RBM26: variants seen among roughly 807,000 people sequenced by gnomAD.
RBM26 encodes RNA binding motif protein 26, also known as RNA-binding protein 26.
A neutral mutation model predicts 123.6 loss-of-function variants in RBM26; 30 were observed. The ratio of observed to expected loss-of-function variants is 0.24; its 90% CI spans 0.18 to 0.33. The LOEUF (loss-of-function observed/expected upper bound fraction) is 0.33, where lower values mean the gene tolerates loss of function less well. Among genes scored for constraint, RBM26 ranks in the 10% least tolerant of loss-of-function variants. RBM26 has a pLI of 1.00. For synonymous variants in RBM26, 400 were observed against 404.4 expected, an observed-to-expected ratio of 0.99 and a Z score of 0.13; for missense variants, 947 against 1,203.6, an observed-to-expected ratio of 0.79 and a Z score of 3.15.
chr13:79,331,161 C>T (rs1461325509), intron 20 of RBM26, among the ~76,000 whole-genome samples: 3 of 152,098 alleles, frequency 2.0e-5, no homozygotes, highest in African/African-American at 7.2e-5. Context: ...CAGGTGCACG[C>T]CACCACACCT....
intron 17 of RBM26, 43 bp from the exon 18 acceptor site, chr13:79,341,270 T>C (rs747076797): frequency 5.6e-6 from 7 of 1,256,144 alleles, no homozygotes; most frequent in Non-Finnish European, 8.0e-6. Flanking sequence ...GTAATTACTA[T>C]CCTGTATTGA....
Position 79,368,923 on chromosome 13 carries a change from T to C in RBM26, c.702A>G (p.Pro234=), listed in dbSNP as rs2075600812. ...RTDPLENNYT[P]VSSVPSISSG... ...ATGAAATACTAGGTACCGAAGAGAC[T>C]GGAGTATAATTATTTTCTAATGGAT... The change falls in exon 6 of 22, where the codon CCA becomes CCG. Residue 234 remains proline (P), a synonymous_variant. Coordinates refer to ENST00000438737, the MANE Select transcript of RBM26 (RefSeq NM_001366735.2). 6.2e-7 allele frequency: 1 copy of C among 1,610,596 alleles called. No individual in the cohort carries two copies. Among genetic ancestry groups the C allele is most frequent in the African/African-American group, 1.3e-5 (1 of 74,940 alleles).
intron 14 of RBM26, among the ~76,000 whole-genome samples, chr13:79,350,081 C>T (rs1311656627): frequency 6.6e-6 from 1 of 151,682 alleles, no homozygotes; most frequent in African/African-American, 2.4e-5. Context: ...ATTTGCTTAG[C>T]ATCTACACAA....
At chr13:79,324,481 G>GTAT (rs2068088423) in intron 20 of RBM26, among the ~76,000 whole-genome samples, 1 of 151,724 alleles carries the variant, frequency 6.6e-6, no homozygotes, top group African/African-American at 2.4e-5. Context: ...TGGCCTGCTT[G>GTAT]TATTTTTCTA....
chr13:79,341,605 A>G (rs2071389472), intron 17 of RBM26, among the ~76,000 whole-genome samples: 1 of 151,836 alleles, frequency 6.6e-6, no homozygotes, highest in Non-Finnish European at 1.5e-5. Context: ...ACATTCATAT[A>G]TTTACAAAAA....
intron 1 of RBM26, among the ~76,000 whole-genome samples, chr13:79,383,419 C>T (rs185588216): frequency 1.1e-4 from 16 of 152,178 alleles, no homozygotes; most frequent in Admixed American, 9.8e-4. Flanking sequence ...TTAATAGTTA[C>T]TAAGAGAGAG....
intron 1 of RBM26, among the ~76,000 whole-genome samples, chr13:79,398,440 T>G (rs1468548427): frequency 6.6e-6 from 1 of 152,156 alleles, no homozygotes; most frequent in Non-Finnish European, 1.5e-5. Flanking sequence ...AGCATTCAGA[T>G]GGAAAGGCCA....
rs199984734 is a variant in RBM26 at position 79,371,069 on chromosome 13, A to G, written c.510T>C (p.Asn170=). The G allele has an allele frequency of 1.1e-4, 170 of 1,613,878 alleles. No individual in the cohort carries two copies. The highest frequency in any genetic ancestry group is 1.5e-4 in the African/African-American group (11 of 74,896). ...PRRDSYRDRY[N]RRRGRSRSYS... ...AACTGCGACTCCGCCCTCGTCTTCT[A>G]TTGTACCGGTCTCTGTATGAATCTC... The change falls in exon 5 of 22, where the codon AAT becomes AAC. Residue 170 remains asparagine (N), a synonymous_variant. Transcript: ENST00000438737.
intron 14 of RBM26, among the ~76,000 whole-genome samples, chr13:79,348,574 A>G (rs1233461079): frequency 1.3e-5 from 2 of 151,764 alleles, no homozygotes; most frequent in Admixed American, 6.6e-5. Context: ...CACACTCACA[A>G]TAAATAGCTC....
rs139952974 is a variant in RBM26 at position 79,353,352 on chromosome 13, T to C, written c.1987-128A>G. On this transcript the variant is annotated intron_variant, in intron 13 of 21. Transcript: ENST00000438737. ...GTATACCAATACTAACCACAAAAAC[T>C]TGGTCCTTCTTAAAAGAGACAGAAA... is the stretch of plus-strand genomic sequence containing the variant. 1.4e-3 allele frequency: 630 copies of C among 443,460 alleles called. 4 individuals carry two copies. The highest frequency in any genetic ancestry group is 0.012 in the African/African-American group (568 of 49,268). The allele number at this position is 443,460 out of a possible 1,614,324, so 27.5% of individuals were successfully genotyped here.
chr13:79,346,420 C>G (rs1325849146), intron 14 of RBM26, among the ~76,000 whole-genome samples: 1 of 151,980 alleles, frequency 6.6e-6, no homozygotes, highest in Non-Finnish European at 1.5e-5. Context: ...ACTTTGTCAC[C>G]CAGGCTGGAG....
chr13:79,317,810 G>C (rs1372928503), downstream of RBM26, among the ~76,000 whole-genome samples: 1 of 151,660 alleles, frequency 6.6e-6, no homozygotes, highest in East Asian at 1.9e-4. Context: ...TGACTGAGGA[G>C]ATCTTCAAGA....
Position 79,320,040 on chromosome 13 carries a change from G to C in RBM26, c.*581C>G, listed in dbSNP as rs1419107961. ...CCATTCCACTTTATTATAACATCTGGATGCATAAGGACTCATGTAAAGCAG... is the reference window on the plus strand; with the variant it reads ...CCATTCCACTTTATTATAACATCTGCATGCATAAGGACTCATGTAAAGCAG... On this transcript the variant is annotated 3_prime_UTR_variant, in exon 22 of 22. Coordinates refer to ENST00000438737, the MANE Select transcript of RBM26 (RefSeq NM_001366735.2). 1 of 951,312 alleles carries C rather than the reference G, an allele frequency of 1.1e-6. No homozygotes were observed. The highest frequency in any genetic ancestry group is 2.0e-5 in the African/African-American group (1 of 49,010). The allele number at this position is 951,312 out of a possible 1,614,324, so 58.9% of individuals were successfully genotyped here.
intron 14 of RBM26, 33 bp from the exon 15 acceptor site, chr13:79,344,827 T>C (rs2139207938): frequency 6.2e-7 from 1 of 1,601,852 alleles, no homozygotes; most frequent in African/African-American, 1.3e-5. Flanking sequence ...TAAAAATATA[T>C]ATCAGCCGTT....
intron 1 of RBM26, among the ~76,000 whole-genome samples, chr13:79,394,228 T>C (rs1396253132): frequency 1.3e-5 from 2 of 152,214 alleles, no homozygotes; most frequent in Non-Finnish European, 1.5e-5. Flanking sequence ...ATGCTTTCCA[T>C]TCCAGCCCCA....
intron 1 of RBM26, among the ~76,000 whole-genome samples, chr13:79,380,558 C>A (rs572256058): frequency 6.6e-6 from 1 of 151,476 alleles, no homozygotes; most frequent in African/African-American, 2.4e-5. Flanking sequence ...TATTTTGATA[C>A]CTGTATGCAA....
chr13:79,324,370 G>C (rs2068077103), intron 20 of RBM26, among the ~76,000 whole-genome samples: 1 of 151,652 alleles, frequency 6.6e-6, no homozygotes, highest in Non-Finnish European at 1.5e-5. Context: ...TATATATTTA[G>C]CATAATTAAA....
At chr13:79,403,432 C>T (rs1047689111) in intron 1 of RBM26, among the ~76,000 whole-genome samples, 1 of 152,136 alleles carries the variant, frequency 6.6e-6, no homozygotes, top group Admixed American at 6.5e-5. Flanking sequence ...AGCATACACT[C>T]TAAGTAGCTA....
Position 79,378,850 on chromosome 13 carries a change from G to A in RBM26, c.129C>T (p.Asp43=), listed in dbSNP as rs749567377. Residue 43 remains aspartate, a synonymous_variant, in exon 2 of 22, where the codon GAC becomes GAT. Coordinates refer to ENST00000438737, the MANE Select transcript of RBM26 (RefSeq NM_001366735.2). ...ATGCCTTTAACTCTTTTTCACTTTT[G>A]TCTTTCTTTACCAAAGCCAGAACAT... ...AKYVLALVKK[D]KSEKELKALC... The A allele has an allele frequency of 6.2e-7, 1 of 1,613,178 alleles. No individual in the cohort carries two copies. The highest frequency in any genetic ancestry group is 8.5e-7 in the Non-Finnish European group (1 of 1,179,474).
Sources: gnomAD v4.1 joint callset for allele counts (sites outside exome capture counted in the v4.1 genomes callset) on GRCh38, gnomAD v4.1.1 for gene constraint, MANE v1.5 for transcripts, NCBI Gene and HGNC (gene_info 2026-07-23, HGNC 2026-07-21) for gene names.